The following MTA3 variants were observed in gnomAD, a reference collection of about 807,000 sequenced individuals.
The protein encoded by MTA3 is metastasis associated 1 family member 3, also known as metastasis-associated protein MTA3.
In MTA3, 34 loss-of-function variants were observed where a neutral mutation model predicts 83.5. That is an observed-to-expected ratio of 0.41 (90% CI 0.31 to 0.54). The LOEUF (loss-of-function observed/expected upper bound fraction) is 0.54. MTA3 is among the 20% of genes least tolerant of loss of function. The pLI is 0.33. For missense variants in MTA3, 761 were observed against 726.4 expected (o/e 1.05, Z -0.55); for synonymous variants, 303 against 252.7 (o/e 1.20, Z -1.89).
intron 8 of MTA3, among the ~76,000 whole-genome samples, chr2:42,676,751 G>GT (rs1475820546): frequency 6.6e-6 from 1 of 152,216 alleles, no homozygotes; most frequent in Non-Finnish European, 1.5e-5. Flanking sequence ...GGGCAACAGA[G>GT]TGAGACCCTG....
chr2:42,678,884 C>G (rs1160129644), intron 8 of MTA3, among the ~76,000 whole-genome samples: 1 of 152,040 alleles, frequency 6.6e-6, no homozygotes, highest in Non-Finnish European at 1.5e-5. Context: ...CCTACAGTCT[C>G]CTACCAGATA....
intron 2 of MTA3, among the ~76,000 whole-genome samples, chr2:42,546,000 G>A (rs1172392836): frequency 3.3e-5 from 5 of 152,122 alleles, no homozygotes; most frequent in Non-Finnish European, 5.9e-5. Context: ...AACACTAATC[G>A]CAATGATAAT....
At chr2:42,536,228 C>G (rs916394753) in intron 2 of MTA3, among the ~76,000 whole-genome samples, 31 of 151,930 alleles carry the variant, frequency 2.0e-4, no homozygotes, top group Admixed American at 6.6e-5. Context: ...AATCCCAGCA[C>G]TTTGGGAGGC....
intron 3 of MTA3, among the ~76,000 whole-genome samples, chr2:42,585,549 A>G (rs1363327031): frequency 2.1e-5 from 3 of 142,538 alleles, no homozygotes; most frequent in Non-Finnish European, 4.5e-5. Context: ...ATCTCAGCTC[A>G]CTGCAACCTC....
intron 13 of MTA3, among the ~76,000 whole-genome samples, chr2:42,708,560 C>T (rs1421639309): frequency 2.0e-5 from 3 of 152,012 alleles, no homozygotes; most frequent in South Asian, 2.1e-4. Flanking sequence ...TCAGTGCTGA[C>T]GGGCTTTCAG....
intron 1 of MTA3, chr2:42,569,664 C>G (rs1409399427): frequency 6.6e-6 from 1 of 152,072 alleles, no homozygotes; most frequent in East Asian, 1.9e-4. Flanking sequence ...AGCTGCCTTT[C>G]GGATAAACAC....
intron 4 of MTA3, among the ~76,000 whole-genome samples, chr2:42,619,392 C>G (rs1156881348): frequency 6.6e-6 from 1 of 152,136 alleles, no homozygotes; most frequent in African/African-American, 2.4e-5. Context: ...GTCAGTTTTA[C>G]TCAGTGTGTA....
chr2:42,571,053 A>AG (rs1390382447), intron 2 of MTA3, among the ~76,000 whole-genome samples: 2 of 152,088 alleles, frequency 1.3e-5, no homozygotes, highest in East Asian at 3.9e-4. Flanking sequence ...AGCTGGGTAA[A>AG]GGGGCATAAG....
At chr2:42,624,241 A>C (rs1287865707) in intron 4 of MTA3, among the ~76,000 whole-genome samples, 2 of 151,946 alleles carry the variant, frequency 1.3e-5, no homozygotes, top group African/African-American at 4.8e-5. Flanking sequence ...AATAAAATAC[A>C]ATAATTTTTA....
At chr2:42,646,935 T>C (rs2104326173) in intron 6 of MTA3, among the ~76,000 whole-genome samples, 1 of 152,020 alleles carries the variant, frequency 6.6e-6, no homozygotes, top group South Asian at 2.1e-4. Flanking sequence ...GGCAGGCGGA[T>C]CACGAGGTCA....
chr2:42,732,746 C>A (rs1437847749), intron 16 of MTA3, among the ~76,000 whole-genome samples: 1 of 152,220 alleles, frequency 6.6e-6, no homozygotes, highest in Non-Finnish European at 1.5e-5. Context: ...CAAGTGACCT[C>A]TTGAATGCTT....
At chr2:42,530,196 A>G (rs950464306) in intron 2 of MTA3, among the ~76,000 whole-genome samples, 1 of 150,024 alleles carries the variant, frequency 6.7e-6, no homozygotes, top group African/African-American at 2.5e-5. Context: ...AAAAAAAAAA[A>G]GATTACAACC....
chr2:42,595,151 C>T (rs1287125027), intron 3 of MTA3, among the ~76,000 whole-genome samples: 3 of 134,770 alleles, frequency 2.2e-5, no homozygotes, highest in African/African-American at 8.4e-5. Context: ...GCTCTGTCAC[C>T]CAGGCTGGAG....
rs1226669477 is a variant in MTA3, at chr2:42,609,476, C to T, written c.209C>T (p.Ser70Phe). ...DKHAKEIEEE[S>F]ETTVEADLTD... is the part of the protein sequence containing the mutation. The stretch of plus-strand genomic sequence containing the variant: ...TGTGTAGAAGAAATTGAGGAAGAAT[C>T]TGAAACAACAGTTGAGGCTGACTTG... The change falls in exon 4 of 17, where the codon TCT becomes TTT. Residue 70 changes from serine to phenylalanine, a missense_variant. Physicochemically the swap from Ser to Phe is radical, Grantham distance 155. Coordinates refer to ENST00000405094, the MANE Select transcript of MTA3 (RefSeq NM_001330442.2). 1.1e-5 allele frequency: 17 copies of T among 1,613,524 alleles called. No individual in the cohort carries two copies. The highest frequency in any genetic ancestry group is 1.4e-5 in the Non-Finnish European group (16 of 1,179,786).
intron 2 of MTA3, among the ~76,000 whole-genome samples, chr2:42,543,647 ATTTTTTTT>A (rs57792480): frequency 8.7e-5 from 10 of 115,098 alleles, no homozygotes; most frequent in Non-Finnish European, 1.2e-4. Flanking sequence ...GAGGTTACTG[ATTTTTTTT>A]TTTTTTTTTT....
chr2:42,615,519 C>G (rs1455506379), intron 4 of MTA3, among the ~76,000 whole-genome samples: 1 of 151,402 alleles, frequency 6.6e-6, no homozygotes, highest in Non-Finnish European at 1.5e-5. Context: ...GCGTGCTCAG[C>G]TAATTTTTGT....
intron 2 of MTA3, among the ~76,000 whole-genome samples, chr2:42,517,940 C>T (rs1204814016): frequency 6.6e-6 from 1 of 151,512 alleles, no homozygotes; most frequent in African/African-American, 2.4e-5. Flanking sequence ...AATCCGAGCA[C>T]TTTGGGAGGC....
chr2:42,695,872 G>A (rs1298051393), intron 10 of MTA3, 33 bp downstream of exon 10: 5 of 1,320,912 alleles, frequency 3.8e-6, no homozygotes, highest in Admixed American at 2.5e-5. Context: ...CAATATGGTT[G>A]CATTTAAGTG....
At chr2:42,603,270 G>C (rs1682811331) in intron 3 of MTA3, among the ~76,000 whole-genome samples, 2 of 152,220 alleles carry the variant, frequency 1.3e-5, no homozygotes, top group South Asian at 4.1e-4. Context: ...ATCAAAACGG[G>C]AGAAATAGAA....
Sources: gnomAD v4.1 joint callset for allele counts (sites outside exome capture counted in the v4.1 genomes callset) on GRCh38, gnomAD v4.1.1 for gene constraint, MANE v1.5 for transcripts, NCBI Gene and HGNC (gene_info 2026-07-23, HGNC 2026-07-21) for gene names.